Variants in ANO1 observed in about 807,000 individuals in gnomAD.
ANO1 encodes the protein anoctamin-1.
A neutral mutation model predicts 124.0 loss-of-function variants in ANO1; 59 were observed. That is an observed-to-expected ratio of 0.48 (90% CI 0.39 to 0.59). ANO1 has a LOEUF of 0.59. ANO1 is among the 20% of genes least tolerant of loss of function. The pLI, the probability that ANO1 is intolerant of heterozygous loss-of-function variation, is 0.00. For synonymous variants in ANO1, 529 were observed against 532.0 expected (o/e 0.99, Z 0.08); for missense variants, 1,059 against 1,328.0 (o/e 0.80, Z 3.15).
chr11:70,153,203 GC>G, intron 14 of ANO1, 75 bp downstream of exon 14: 3 of 1,330,576 alleles, frequency 2.3e-6, no homozygotes, highest in Non-Finnish European at 3.2e-6. Flanking sequence ...CCTGGGATCA[GC>G]CCAGAGAACA....
intron 11 of ANO1, among the ~76,000 whole-genome samples, chr11:70,149,248 G>A (rs551680060): frequency 4.7e-4 from 72 of 152,340 alleles, no homozygotes; most frequent in South Asian, 1.9e-3. Flanking sequence ...TGTAAAATGG[G>A]AGAATGACGG....
chr11:70,094,009 T>A (rs959990880), intron 2 of ANO1, among the ~76,000 whole-genome samples: 7 of 152,152 alleles, frequency 4.6e-5, no homozygotes. Context: ...AAAATGGAGT[T>A]GATAGTGTGA....
At chr11:69,987,903 C>T (rs185214790) in intron 1 of ANO1, among the ~76,000 whole-genome samples, 14 of 152,288 alleles carry the variant, frequency 9.2e-5, no homozygotes, top group African/African-American at 2.2e-4. Context: ...GGATGGATGA[C>T]GGCCACAGCC....
chr11:69,986,539 G>C (rs1292736782), intron 1 of ANO1, among the ~76,000 whole-genome samples: 1 of 152,174 alleles, frequency 6.6e-6, no homozygotes, highest in Non-Finnish European at 1.5e-5. Context: ...CAGCGGATAC[G>C]AGGTTTTCGG....
chr11:70,134,424 C>T (rs1399603368), intron 11 of ANO1, among the ~76,000 whole-genome samples: 1 of 152,238 alleles, frequency 6.6e-6, no homozygotes, highest in Non-Finnish European at 1.5e-5. Context: ...GACTCCCGCT[C>T]TGCCAGTTCC....
intron 1 of ANO1, among the ~76,000 whole-genome samples, chr11:70,031,050 T>C (rs1366767182): frequency 6.6e-6 from 1 of 152,228 alleles, no homozygotes; most frequent in Non-Finnish European, 1.5e-5. Context: ...GTTCAAGTGA[T>C]TCTCGTGCCT....
At chr11:70,020,715 G>C (rs1267102362) in intron 1 of ANO1, among the ~76,000 whole-genome samples, 1 of 152,194 alleles carries the variant, frequency 6.6e-6, no homozygotes, top group Non-Finnish European at 1.5e-5. Flanking sequence ...TCCCCAGAGG[G>C]GGACAGAGTG....
chr11:70,154,527 C>T (rs921786591), intron 14 of ANO1, among the ~76,000 whole-genome samples: 1 of 130,078 alleles, frequency 7.7e-6, no homozygotes, highest in African/African-American at 2.9e-5. Flanking sequence ...AGTGCAGTGG[C>T]GCGATCTCAG....
intron 1 of ANO1, among the ~76,000 whole-genome samples, chr11:70,023,860 G>A (rs1565163195): frequency 6.6e-6 from 1 of 152,202 alleles, no homozygotes; most frequent in Non-Finnish European, 1.5e-5. Context: ...AGACTGGCCT[G>A]TAGTTGCTCT....
chr11:70,137,385 C>T (rs1342284739), intron 11 of ANO1, among the ~76,000 whole-genome samples: 6 of 140,000 alleles, frequency 4.3e-5, no homozygotes, highest in African/African-American at 1.5e-4. Flanking sequence ...CTGGACGCTG[C>T]GTCCATCTGG....
At chr11:70,143,191 GCATGGATCT>G (rs1161601335) in intron 11 of ANO1, among the ~76,000 whole-genome samples, 1 of 152,184 alleles carries the variant, frequency 6.6e-6, no homozygotes, top group Non-Finnish European at 1.5e-5. Flanking sequence ...CCCGTGAGGA[GCATGGATCT>G]CACTGGGGAG....
chr11:69,988,903 G>A (rs1224495814), intron 1 of ANO1, among the ~76,000 whole-genome samples: 1 of 151,886 alleles, frequency 6.6e-6, no homozygotes, highest in Non-Finnish European at 1.5e-5. Flanking sequence ...CCAAGTGAAG[G>A]AGGGAGGGAA....
intron 21 of ANO1, among the ~76,000 whole-genome samples, chr11:70,168,925 G>A (rs74645955): frequency 0.011 from 1,687 of 151,638 alleles, 33 homozygotes; most frequent in African/African-American, 0.038. Context: ...GGAATCTTCA[G>A]TGTGGCGTTC....
chr11:69,993,757 C>G (rs7126149), intron 1 of ANO1, among the ~76,000 whole-genome samples: 61,239 of 152,130 alleles, frequency 0.4, 13,385 homozygotes, highest in East Asian at 0.58. Context: ...TGACTTCACT[C>G]TTTCTGTCTT....
intron 1 of ANO1, among the ~76,000 whole-genome samples, chr11:70,042,191 A>G (rs1857193972): frequency 6.6e-6 from 1 of 152,186 alleles, no homozygotes; most frequent in Non-Finnish European, 1.5e-5. Flanking sequence ...GCCTTAAGCA[A>G]CAAACAGACA....
rs1376335281 is a variant in ANO1, at chr11:70,126,282, G to T, written c.1097+87G>T. ...AGCTGCACAATTCATTGGGACACTG[G>T]CCTCTCACACCAATTCCTGTACACA... On this transcript the variant is annotated intron_variant, in intron 10 of 25. Coordinates refer to ENST00000355303, the MANE Select transcript of ANO1 (RefSeq NM_018043.7). The T allele has an allele frequency of 2.0e-6, 3 of 1,466,416 alleles. No individual in the cohort carries two copies. The African/African-American group carries it at 4.2e-5, about 21-fold the overall frequency. 90.8% of individuals were successfully genotyped at this position (1,466,416 alleles called of 1,614,324 possible). A position where few individuals can be genotyped will look rare whatever the true frequency, so the allele number is the denominator to read the frequency against.
upstream of ANO1, among the ~76,000 whole-genome samples, chr11:70,077,940 C>T (rs571058002): frequency 6.6e-6 from 1 of 152,048 alleles, no homozygotes; most frequent in Non-Finnish European, 1.5e-5. Flanking sequence ...GCAAGCTCCC[C>T]GGAGGAGGTG....
chr11:70,111,879 C>T (rs1210970482), intron 7 of ANO1, 117 bp downstream of exon 7: 66 of 1,092,724 alleles, frequency 6.0e-5, no homozygotes, highest in Middle Eastern at 2.4e-4. Flanking sequence ...GCTTGGCTCT[C>T]GCTGTAAATG....
intron 1 of ANO1, among the ~76,000 whole-genome samples, chr11:70,041,268 TTAA>T (rs1857179525): frequency 6.6e-6 from 1 of 152,186 alleles, no homozygotes; most frequent in Non-Finnish European, 1.5e-5. Context: ...GGCAAGTAAA[TTAA>T]TGTTTTCTGT....
Sources: gnomAD v4.1 joint callset for allele counts (sites outside exome capture counted in the v4.1 genomes callset) on GRCh38, gnomAD v4.1.1 for gene constraint, MANE v1.5 for transcripts, NCBI Gene and HGNC (gene_info 2026-07-23, HGNC 2026-07-21) for gene names.